The following ARHGAP29 variants were observed in gnomAD, a reference collection of about 807,000 sequenced individuals.
The protein encoded by ARHGAP29 is rho GTPase-activating protein 29.
In ARHGAP29, 43 loss-of-function variants were observed where a neutral mutation model predicts 122.6. The ratio of observed to expected loss-of-function variants is 0.35; its 90% CI spans 0.27 to 0.45. The LOEUF is 0.45. Among genes scored for constraint, ARHGAP29 ranks in the 20% least tolerant of loss-of-function variants. The pLI is 1.00. For synonymous variants in ARHGAP29, 506 were observed against 497.1 expected, an observed-to-expected ratio of 1.02 and a Z score of -0.24; for missense variants, 1,303 against 1,477.2, an observed-to-expected ratio of 0.88 and a Z score of 1.93.
intron 5 of ARHGAP29, among the ~76,000 whole-genome samples, chr1:94,207,320 T>C (rs1173515911): frequency 6.6e-6 from 1 of 152,082 alleles, no homozygotes; most frequent in Non-Finnish European, 1.5e-5. Flanking sequence ...TTTTAAAGGG[T>C]ATTTTTCAAA....
chr1:94,168,913 A>G lies in ARHGAP29; in HGVS notation c.*4956T>C, dbSNP rs192272809. ...AACTTGTAACTCAGAAGCATAGCCA[A>G]TTAGTCGTTTAATCTATTTTCTGAA... On this transcript the variant is annotated 3_prime_UTR_variant, in exon 23 of 23. Transcript: ENST00000260526. Among the ~76,000 whole-genome samples the G allele has an allele frequency of 1.2e-4, 19 of 152,342 alleles. No homozygotes were observed. Among genetic ancestry groups the G allele is most frequent in the Admixed American group, 1.2e-3 (19 of 15,304 alleles).
chr1:94,296,950 T>A, the ARHGAP29 span, among the ~76,000 whole-genome samples: 1 of 152,206 alleles, frequency 6.6e-6, no homozygotes, highest in African/African-American at 2.4e-5. Flanking sequence ...CAGCTTTTTA[T>A]GGATTTCATT....
intron 22 of ARHGAP29, among the ~76,000 whole-genome samples, chr1:94,175,836 C>T (rs1368387417): frequency 6.6e-6 from 1 of 152,120 alleles, no homozygotes; most frequent in Non-Finnish European, 1.5e-5. Flanking sequence ...TCCTGAGTAG[C>T]TGAGATTACA....
chr1:94,174,548 C>A lies in ARHGAP29; in HGVS notation c.3107G>T (p.Gly1036Val), dbSNP rs1648965594. ...LLASPPNERN[G>V]RNMGNVNLDK... ...TAAATTTACATTTCCCATATTTCTGCCATTTCTCTCATTAGGAGGACTTGC... is the reference window on the plus strand; with the variant it reads ...TAAATTTACATTTCCCATATTTCTGACATTTCTCTCATTAGGAGGACTTGC... The change falls in exon 23 of 23, where the codon GGC becomes GTC. Residue 1036 changes from glycine (G) to valine (V), a missense_variant. Physicochemically the swap from Gly to Val is moderately radical, Grantham distance 109. Transcript: ENST00000260526. 3.7e-6 allele frequency: 6 copies of A among 1,614,170 alleles called. No homozygotes were observed. The highest frequency in any genetic ancestry group is 5.1e-6 in the Non-Finnish European group (6 of 1,180,028).
Position 94,203,084 on chromosome 1 carries a change from A to G in ARHGAP29, c.873+16T>C. ...TTAAAAATAAAAGTGCATTATACAT[A>G]TAAATTAATCTTTACCTGCACAAAT... On this transcript the variant is annotated intron_variant, in intron 9 of 22. Transcript: ENST00000260526. 1 of 1,602,360 alleles carries G rather than the reference A, an allele frequency of 6.2e-7. No individual in the cohort carries two copies. The highest frequency in any genetic ancestry group is 8.5e-7 in the Non-Finnish European group (1 of 1,174,942).
rs774263077 is a variant in ARHGAP29 at position 94,185,344 on chromosome 1, C to G, written c.1918G>C (p.Glu640Gln). Residue 640 changes from glutamate (E) to glutamine (Q), a missense_variant and splice_region_variant, in exon 17 of 23, where the codon GAG (glutamate) becomes CAG (glutamine). By Grantham distance (29) the Glu-to-Gln change is conservative. Around this residue, in one of 3 missense-constraint regions of ARHGAP29, gnomAD observed 91 missense variants for 177.8 expected, o/e 0.51. Transcript: ENST00000260526. ...ACACAATTCCACAAAGATCTTACCT[C>G]TTCACATTCAACACCTTGGAACACT... ...IVVFQGVECEECLLVCHRKCL... is the reference protein window; with the variant it reads ...IVVFQGVECEQCLLVCHRKCL... 4 of 1,593,346 alleles carry G rather than the reference C, an allele frequency of 2.5e-6. No individual in the cohort carries two copies. The highest frequency in any genetic ancestry group is 3.4e-6 in the Non-Finnish European group (4 of 1,172,600).
At chr1:94,237,999 C>T (rs1259688137), upstream of ARHGAP29, among the ~76,000 whole-genome samples, 1 of 150,954 alleles carries the variant, frequency 6.6e-6, no homozygotes, top group Non-Finnish European at 1.5e-5. Context: ...CAGCCATCTA[C>T]TCTGCCCCTC....
Position 94,172,561 on chromosome 1 carries a change from T to C in ARHGAP29, c.*1308A>G, listed in dbSNP as rs1296381848. 3.3e-5 allele frequency: 5 copies of C among 150,734 alleles called. No individual in the cohort carries two copies. The highest frequency in any genetic ancestry group is 7.4e-5 in the Non-Finnish European group (5 of 67,798). The allele number at this position is 150,734 out of a possible 1,614,324, so 9.3% of individuals were successfully genotyped here. On this transcript the variant is annotated 3_prime_UTR_variant, in exon 23 of 23. Coordinates refer to ENST00000260526, the MANE Select transcript of ARHGAP29 (RefSeq NM_004815.4). ...ATAACCTTAAACTCTCATACTGTAA[T>C]AGGCAACAACTGAAAAGAAGCCACG... is the stretch of plus-strand genomic sequence containing the variant.
chr1:94,296,474 G>A, the ARHGAP29 span, among the ~76,000 whole-genome samples: 10 of 152,242 alleles, frequency 6.6e-5, no homozygotes, highest in African/African-American at 1.7e-4. Context: ...AGGTAAGTAC[G>A]CACAGGAAAA....
chr1:94,174,593 G>C lies in ARHGAP29; in HGVS notation c.3062C>G (p.Pro1021Arg). 1 of 1,614,092 alleles carries C rather than the reference G, an allele frequency of 6.2e-7. No individual in the cohort carries two copies. Among genetic ancestry groups the C allele is most frequent in the Non-Finnish European group, 8.5e-7 (1 of 1,180,026 alleles). ...PRTKIRPVSL[P>R]VDRLLLASPP... ...ACTTGCAAGAAGTAGTCTATCTACA[G>C]GCAAACTTACAGGTCTAATCTTGGT... is the stretch of plus-strand genomic sequence containing the variant. Residue 1021 changes from proline to arginine, a missense_variant, in exon 23 of 23, where the codon CCT becomes CGT. Around this residue, in one of 3 missense-constraint regions of ARHGAP29, gnomAD observed 620 missense variants for 651.2 expected, o/e 0.95. Transcript: ENST00000260526.
intron 1 of ARHGAP29, among the ~76,000 whole-genome samples, chr1:94,233,593 CT>C (rs1653064619): frequency 6.6e-6 from 1 of 152,128 alleles, no homozygotes; most frequent in Non-Finnish European, 1.5e-5. Context: ...CTCTACAAGG[CT>C]CAACATGAGA....
At chr1:94,209,513 A>G (rs936403606) in intron 3 of ARHGAP29, among the ~76,000 whole-genome samples, 163 bp from the exon 4 acceptor site, 1 of 152,226 alleles carries the variant, frequency 6.6e-6, no homozygotes, top group Non-Finnish European at 1.5e-5. Flanking sequence ...CAAATTCTTC[A>G]TTATGAAATT....
At chr1:94,294,639 T>C in the ARHGAP29 span, among the ~76,000 whole-genome samples, 1 of 152,034 alleles carries the variant, frequency 6.6e-6, no homozygotes, top group Non-Finnish European at 1.5e-5. Flanking sequence ...CCCCCAGACT[T>C]AGAGATGATA....
chr1:94,192,017 C>T (rs1006611182), intron 12 of ARHGAP29: 2 of 151,978 alleles, frequency 1.3e-5, no homozygotes, highest in African/African-American at 4.8e-5. Context: ...AAGTAAATGG[C>T]CTAAATGACT....
intron 1 of ARHGAP29, among the ~76,000 whole-genome samples, chr1:94,263,674 G>A (rs915487278): frequency 3.9e-5 from 6 of 152,074 alleles, no homozygotes; most frequent in African/African-American, 9.6e-5. Flanking sequence ...ATCACTATCC[G>A]TGATAGTGAC....
intron 18 of ARHGAP29, 50 bp downstream of exon 18, chr1:94,184,822 A>G (rs773203283): frequency 7.2e-7 from 1 of 1,389,778 alleles, no homozygotes; most frequent in South Asian, 1.4e-5. Context: ...TCATTAGAAT[A>G]GGTTACACAG....
At chr1:94,282,255 C>CTTTA in the ARHGAP29 span, among the ~76,000 whole-genome samples, 7,401 of 141,416 alleles carry the variant, frequency 0.052, 258 homozygotes, top group East Asian at 0.12. Context: ...AGTGATAGTG[C>CTTTA]TTTATTTATT....
chr1:94,210,972 T>C (rs1651560827), intron 3 of ARHGAP29, among the ~76,000 whole-genome samples: 1 of 151,332 alleles, frequency 6.6e-6, no homozygotes, highest in Admixed American at 6.6e-5. Flanking sequence ...TTTATAATTA[T>C]GAAAGAGTTG....
chr1:94,262,035 G>A (rs1654577302), intron 1 of ARHGAP29, among the ~76,000 whole-genome samples: 1 of 152,156 alleles, frequency 6.6e-6, no homozygotes, highest in Non-Finnish European at 1.5e-5. Flanking sequence ...AAAACAGCAT[G>A]GAACTGTTAC....
Sources: gnomAD v4.1 joint callset for allele counts (sites outside exome capture counted in the v4.1 genomes callset) on GRCh38, gnomAD v4.1.1 for gene constraint, gnomAD v4.1.1 regional missense constraint, MANE v1.5 for transcripts, NCBI Gene and HGNC (gene_info 2026-07-23, HGNC 2026-07-21) for gene names.